CFAP97D2: variants seen among roughly 807,000 people sequenced by gnomAD.
CFAP97D2 encodes uncharacterized protein CFAP97D2.
chr13:114,186,819 C>T lies in CFAP97D2; in HGVS notation c.90+7399C>T, dbSNP rs2080854484. 6.6e-6 allele frequency among the ~76,000 whole-genome samples: 1 copy of T among 152,210 alleles called. No homozygotes were observed. The highest frequency in any genetic ancestry group is 2.4e-5 in the African/African-American group (1 of 41,452). On this transcript the variant is annotated intron_variant, in intron 1 of 4. Coordinates refer to ENST00000646158, the Ensembl canonical transcript of CFAP97D2. This position sits in a 1 kb window ranked among gnomAD's most constrained non-coding sequence, Gnocchi z 4.3. Reference sequence around the variant, plus strand: ...TGACTGGCTGTGCAGTGACTGGACCCCACACTCACTCACTCACACACCCCT... The same window carrying T: ...TGACTGGCTGTGCAGTGACTGGACCTCACACTCACTCACTCACACACCCCT...
rs188308755 is a variant in CFAP97D2, at chr13:114,203,439, G to A, written c.290+2996G>A. On this transcript the variant is annotated intron_variant, in intron 3 of 4. Coordinates refer to ENST00000646158, the Ensembl canonical transcript of CFAP97D2. This position sits in a 1 kb window ranked among gnomAD's most constrained non-coding sequence, Gnocchi z 4.3. ...CTAAATAAATGGAAAAATATCCCAC[G>A]TGTATGGATTCAGAAGTCTTGCTAT... Among the ~76,000 whole-genome samples, 2 of 152,294 alleles carry A rather than the reference G, an allele frequency of 1.3e-5. No homozygotes were observed. Among genetic ancestry groups the A allele is most frequent in the Admixed American group, 1.3e-4 (2 of 15,306 alleles).
At chr13:114,200,818 T>C (rs2138770054) in intron 3 of CFAP97D2, among the ~76,000 whole-genome samples, 1 of 152,242 alleles carries the variant, frequency 6.6e-6, no homozygotes, top group South Asian at 2.1e-4. Context: ...GTGGCAGAAC[T>C]TGGCCAAGGT....
chr13:114,180,028 T>C (rs1181224026), intron 1 of CFAP97D2, among the ~76,000 whole-genome samples: 1 of 152,236 alleles, frequency 6.6e-6, no homozygotes, highest in Admixed American at 6.5e-5. Flanking sequence ...AGAAGATATG[T>C]TATTATTTCC....
rs1287949025 is a variant in CFAP97D2, at chr13:114,211,277, G to A, written c.291-635G>A. On this transcript the variant is annotated intron_variant, in intron 3 of 4. Transcript: ENST00000646158. This position sits in a 1 kb window ranked among gnomAD's most constrained non-coding sequence, Gnocchi z 4.2. Reference sequence around the variant, plus strand: ...GTTTCACCGGTCCCATCTCACCACTGCAGTGGGCTGGCATCGATGCCCCTC... The same window carrying A: ...GTTTCACCGGTCCCATCTCACCACTACAGTGGGCTGGCATCGATGCCCCTC... 6.6e-6 allele frequency among the ~76,000 whole-genome samples: 1 copy of A among 152,156 alleles called. No homozygotes were observed. The highest frequency in any genetic ancestry group is 6.5e-5 in the Admixed American group (1 of 15,284).
intron 1 of CFAP97D2, among the ~76,000 whole-genome samples, chr13:114,188,226 C>T (rs2080857633): frequency 6.7e-6 from 1 of 148,448 alleles, no homozygotes; most frequent in Admixed American, 6.7e-5. Flanking sequence ...CAGCTATGAT[C>T]ATGCCACTGC....
intron 1 of CFAP97D2, among the ~76,000 whole-genome samples, chr13:114,188,776 C>CA (rs35375202): frequency 0.028 from 1,828 of 65,052 alleles, 20 homozygotes; most frequent in African/African-American, 0.068. Flanking sequence ...GACTCAATCT[C>CA]AAAAAAAAAA....
Position 114,197,026 on chromosome 13 carries a change from G to A in CFAP97D2, c.171+550G>A, listed in dbSNP as rs77610904. On this transcript the variant is annotated intron_variant, in intron 2 of 4. Coordinates refer to ENST00000646158, the Ensembl canonical transcript of CFAP97D2. ...AAGGGAGTGTCTAGGTTAAGACAAG[G>A]GGTTGTGGAGACCGAAATTCTTATC... Among the ~76,000 whole-genome samples the A allele has an allele frequency of 5.9e-3, 898 of 152,294 alleles. 14 individuals carry two copies. The highest frequency in any genetic ancestry group is 0.033 in the East Asian group (173 of 5,178).
chr13:114,219,356 T>C (rs1278240892), intron 4 of CFAP97D2, among the ~76,000 whole-genome samples: 2 of 152,216 alleles, frequency 1.3e-5, no homozygotes, highest in Admixed American at 6.5e-5. Context: ...TTGTTTTCAT[T>C]TCCTTACTTT....
At chr13:114,219,934 T>A (rs542296285) in intron 4 of CFAP97D2, among the ~76,000 whole-genome samples, 1 of 151,812 alleles carries the variant, frequency 6.6e-6, no homozygotes, top group Non-Finnish European at 1.5e-5. Flanking sequence ...TGCCATGGGG[T>A]CTGCAGTTTT....
intron 1 of CFAP97D2, among the ~76,000 whole-genome samples, chr13:114,183,346 T>G (rs2138748550): frequency 6.6e-6 from 1 of 152,108 alleles, no homozygotes; most frequent in Non-Finnish European, 1.5e-5. Context: ...TTTTGTATTT[T>G]TAGTGGAGAT....
chr13:114,180,650 G>A (rs369053527), intron 1 of CFAP97D2, among the ~76,000 whole-genome samples: 18 of 152,350 alleles, frequency 1.2e-4, no homozygotes, highest in African/African-American at 3.4e-4. Context: ...TTCTCTGCAC[G>A]TAGAGTGTGG....
chr13:114,190,596 G>A (rs937035601), intron 1 of CFAP97D2, among the ~76,000 whole-genome samples: 1 of 152,108 alleles, frequency 6.6e-6, no homozygotes. Context: ...ATATGTGCAA[G>A]ATCTGTATAA....
At chr13:114,195,337 G>C (rs12585968) in intron 1 of CFAP97D2, among the ~76,000 whole-genome samples, 1,736 of 152,222 alleles carry the variant, frequency 0.011, 96 homozygotes, top group Admixed American at 0.08. Context: ...CTGTGAACAC[G>C]TCTCCATCTG....
At chr13:114,217,602 T>C (rs2081001356) in intron 4 of CFAP97D2, among the ~76,000 whole-genome samples, 1 of 152,154 alleles carries the variant, frequency 6.6e-6, no homozygotes, top group African/African-American at 2.4e-5. Context: ...ATATCCCTGG[T>C]GAACATCAAT....
chr13:114,193,202 AAAAAC>A (rs1260576972), intron 1 of CFAP97D2, among the ~76,000 whole-genome samples: 1 of 152,244 alleles, frequency 6.6e-6, no homozygotes, highest in Non-Finnish European at 1.5e-5. Flanking sequence ...GTATCTGGAA[AAAAAC>A]AAAACAATCA....
At chr13:114,213,446 C>T (rs112563263) in intron 4 of CFAP97D2, among the ~76,000 whole-genome samples, 6,736 of 147,540 alleles carry the variant, frequency 0.046, 253 homozygotes, top group African/African-American at 0.11. Context: ...GTGGAAGCTC[C>T]AGGACCACAG....
rs532412747 is a variant in CFAP97D2, at chr13:114,191,240, G to C, written c.91-5156G>C. On this transcript the variant is annotated intron_variant, in intron 1 of 4. Coordinates refer to ENST00000646158, the Ensembl canonical transcript of CFAP97D2. The stretch of plus-strand genomic sequence containing the variant: ...TAGGTTTTTAGACACAATGCCAATG[G>C]CATGATCTATGAAAGAAATTATTGA... Among the ~76,000 whole-genome samples, 9 of 152,142 alleles carry C rather than the reference G, an allele frequency of 5.9e-5. No individual in the cohort carries two copies. In the South Asian group the frequency reaches 1.7e-3, roughly 28 times the overall value.
Position 114,203,821 on chromosome 13 carries a change from G to A in CFAP97D2, c.290+3378G>A, listed in dbSNP as rs945071927. Among the ~76,000 whole-genome samples the A allele has an allele frequency of 3.9e-5, 6 of 152,324 alleles. No homozygotes were observed. The East Asian group carries it at 5.8e-4, about 15-fold the overall frequency. On this transcript the variant is annotated intron_variant, in intron 3 of 4. Transcript: ENST00000646158. The surrounding 1 kb of genome is among the most constrained non-coding windows in gnomAD (Gnocchi z 4.3). ...CCTCATCTGCACAAAAGCATCTGGTGTAAACACTTGTCAGATGGGGCAGAG... is the reference window on the plus strand; with the variant it reads ...CCTCATCTGCACAAAAGCATCTGGTATAAACACTTGTCAGATGGGGCAGAG...
chr13:114,182,267 C>T (rs558086654), intron 1 of CFAP97D2, among the ~76,000 whole-genome samples: 15 of 152,144 alleles, frequency 9.9e-5, no homozygotes, highest in South Asian at 2.1e-4. Flanking sequence ...TCCGCCCAAA[C>T]ATCTCAGTGG....
Sources: allele counts gnomAD v4.1 joint callset (sites outside exome capture counted in the v4.1 genomes callset), GRCh38; gene constraint gnomAD v4.1.1; non-coding constraint Gnocchi (gnomAD v3.1); transcripts MANE v1.5; gene names NCBI Gene and HGNC (gene_info 2026-07-23, HGNC 2026-07-21).